The following PAPPA2 variants were observed in gnomAD, a reference collection of about 807,000 sequenced individuals.
The protein encoded by PAPPA2 is pappalysin-2.
PAPPA2 carries 86 observed loss-of-function variants against 176.4 expected under a neutral mutation model. The ratio of observed to expected loss-of-function variants is 0.49; its 90% CI spans 0.41 to 0.58. The LOEUF (loss-of-function observed/expected upper bound fraction) is 0.58, where lower values mean the gene tolerates loss of function less well. PAPPA2 is among the 20% of genes least tolerant of loss of function. The probability of loss-of-function intolerance (pLI) is 0.00; values close to 1 mark genes in which losing one functional copy is unlikely to be tolerated. For missense variants in PAPPA2, 2,073 were observed against 2,256.9 expected (o/e 0.92, Z 1.65); for synonymous variants, 809 against 852.2 (o/e 0.95, Z 0.88).
intron 3 of PAPPA2, among the ~76,000 whole-genome samples, chr1:176,663,880 A>C (rs1214073403): frequency 6.6e-6 from 1 of 152,088 alleles, no homozygotes; most frequent in African/African-American, 2.4e-5. Flanking sequence ...TGTCTTTCTA[A>C]GTATCTGTAT....
At chr1:176,540,697 G>C (rs910331570) in intron 1 of PAPPA2, among the ~76,000 whole-genome samples, 2 of 152,176 alleles carry the variant, frequency 1.3e-5, no homozygotes. Flanking sequence ...AAAATGTTGA[G>C]TTGAGATGTC....
intron 21 of PAPPA2, among the ~76,000 whole-genome samples, chr1:176,835,203 C>T (rs1667226859): frequency 6.6e-6 from 1 of 152,166 alleles, no homozygotes; most frequent in Non-Finnish European, 1.5e-5. Flanking sequence ...GACCCAATAT[C>T]TAGAGATTTG....
intron 3 of PAPPA2, among the ~76,000 whole-genome samples, chr1:176,619,877 TA>T (rs34154104): frequency 0.49 from 73,944 of 152,000 alleles, 19,807 homozygotes; most frequent in East Asian, 0.76. Context: ...AAACTCATAA[TA>T]AAACAATTCA....
intron 1 of PAPPA2, among the ~76,000 whole-genome samples, chr1:176,481,627 T>C (rs1013187475): frequency 6.6e-6 from 1 of 152,190 alleles, no homozygotes; most frequent in Admixed American, 6.5e-5. Flanking sequence ...ATCCTAGCAT[T>C]TGGGGCTAAG....
chr1:176,723,152 A>G (rs1244647175), intron 12 of PAPPA2, among the ~76,000 whole-genome samples: 8 of 152,294 alleles, frequency 5.3e-5, no homozygotes, highest in South Asian at 2.1e-4. Flanking sequence ...AGCCACTCCT[A>G]TGATAACTGA....
At chr1:176,840,326 G>T (rs1314861905) in intron 22 of PAPPA2, 55 bp downstream of exon 22, 8 of 1,375,274 alleles carry the variant, frequency 5.8e-6, no homozygotes, top group Non-Finnish European at 8.2e-6. Flanking sequence ...ATAAAGGCAG[G>T]GTCTTCAGCT....
At chr1:176,668,398 A>G (rs1400258621) in intron 3 of PAPPA2, among the ~76,000 whole-genome samples, 1 of 152,182 alleles carries the variant, frequency 6.6e-6, no homozygotes, top group Non-Finnish European at 1.5e-5. Context: ...GCATTTATGT[A>G]TGGCATTCTA....
At chr1:176,619,814 A>G (rs1402846030) in intron 3 of PAPPA2, among the ~76,000 whole-genome samples, 1 of 152,164 alleles carries the variant, frequency 6.6e-6, no homozygotes, top group Non-Finnish European at 1.5e-5. Context: ...ATACTACAAT[A>G]CTACTGCAGG....
intron 2 of PAPPA2, among the ~76,000 whole-genome samples, chr1:176,578,111 C>T (rs545077250): frequency 2.6e-5 from 4 of 152,296 alleles, no homozygotes; most frequent in Non-Finnish European, 4.4e-5. Context: ...TCTGCCTGGA[C>T]CTTATCTTCA....
chr1:176,518,564 A>C (rs10489473), intron 1 of PAPPA2, among the ~76,000 whole-genome samples: 12,056 of 152,210 alleles, frequency 0.079, 591 homozygotes, highest in South Asian at 0.15. Flanking sequence ...TAATGCCTTT[A>C]AGTGCAGTTA....
chr1:176,525,103 A>T (rs1417168528), intron 1 of PAPPA2, among the ~76,000 whole-genome samples: 1 of 152,124 alleles, frequency 6.6e-6, no homozygotes, highest in Non-Finnish European at 1.5e-5. Flanking sequence ...TTAAGGAAGC[A>T]AGCTGTGGCT....
At chr1:176,652,461 T>C (rs1196463862) in intron 3 of PAPPA2, among the ~76,000 whole-genome samples, 1 of 151,680 alleles carries the variant, frequency 6.6e-6, no homozygotes, top group Non-Finnish European at 1.5e-5. Context: ...CTGTACCATA[T>C]TGGAGAGGTC....
chr1:176,474,763 A>C (rs1040793359), intron 1 of PAPPA2, among the ~76,000 whole-genome samples: 1 of 152,216 alleles, frequency 6.6e-6, no homozygotes, highest in Admixed American at 6.5e-5. Flanking sequence ...GCAAGAGGCT[A>C]CCAGAAAATA....
chr1:176,788,571 T>C (rs1665042270), intron 17 of PAPPA2, among the ~76,000 whole-genome samples: 2 of 152,174 alleles, frequency 1.3e-5, no homozygotes, highest in African/African-American at 2.4e-5. Context: ...GTGGATATGT[T>C]AAAATGGCAA....
chr1:176,479,498 C>T (rs1652286655), intron 1 of PAPPA2, among the ~76,000 whole-genome samples: 1 of 152,150 alleles, frequency 6.6e-6, no homozygotes, highest in Admixed American at 6.5e-5. Flanking sequence ...CACCCCCTGA[C>T]TTAGAGGACT....
chr1:176,700,375 G>T (rs1333501555), intron 8 of PAPPA2, among the ~76,000 whole-genome samples: 1 of 152,246 alleles, frequency 6.6e-6, no homozygotes, highest in African/African-American at 2.4e-5. Flanking sequence ...CAGAGATACT[G>T]TCAGTTAGTT....
chr1:176,599,628 TA>T lies in PAPPA2; in HGVS notation c.1991+4039del, dbSNP rs1573104689. 2.0e-5 allele frequency among the ~76,000 whole-genome samples: 3 copies of T among 151,854 alleles called. No homozygotes were observed. In the East Asian group the frequency reaches 5.8e-4, roughly 29 times the overall value. ...TCTTTGATTATTTTTAATATAATCTTAAAAAATTTTAAGATAAGCATTTTCA... is the reference window on the plus strand; with the variant it reads ...TCTTTGATTATTTTTAATATAATCTTAAAAATTTTAAGATAAGCATTTTCA... On this transcript the variant is annotated intron_variant, in intron 3 of 22. Coordinates refer to ENST00000367662, the MANE Select transcript of PAPPA2 (RefSeq NM_020318.3).
intron 12 of PAPPA2, among the ~76,000 whole-genome samples, chr1:176,731,655 A>G (rs1288881466): frequency 2.0e-5 from 3 of 151,430 alleles, no homozygotes; most frequent in African/African-American, 4.9e-5. Flanking sequence ...ATATATACAT[A>G]TGTGTGTGTG....
chr1:176,619,874 TA>T lies in PAPPA2; in HGVS notation c.1991+24281del, dbSNP rs1170745506. 1.2e-4 allele frequency among the ~76,000 whole-genome samples: 13 copies of T among 111,080 alleles called. No homozygotes were observed. In the Admixed American group the frequency reaches 1.2e-3, roughly 11 times the overall value. 72.9% of individuals were successfully genotyped at this position (111,080 alleles called of 152,430 possible). A position where few individuals can be genotyped will look rare whatever the true frequency, so the allele number is the denominator to read the frequency against. On this transcript the variant is annotated intron_variant, in intron 3 of 22. Transcript: ENST00000367662. ...GACTTAAAGTAACTCAGTAAACTCA[TA>T]ATAAAACAATTCATTGATTTTGGTG...
Sources: allele counts gnomAD v4.1 joint callset (sites outside exome capture counted in the v4.1 genomes callset), GRCh38; gene constraint gnomAD v4.1.1; transcripts MANE v1.5; gene names NCBI Gene and HGNC (gene_info 2026-07-23, HGNC 2026-07-21).